TIRAP: variants seen among roughly 807,000 people sequenced by gnomAD.
The protein encoded by TIRAP is toll/interleukin-1 receptor domain-containing adapter protein.
Under a neutral mutation model 19.8 loss-of-function variants are expected in TIRAP, and 20 were observed. The observed-to-expected ratio is 1.01, with a 90% CI of 0.71 to 1.47. The LOEUF (loss-of-function observed/expected upper bound fraction) is 1.47. Among genes scored for constraint, TIRAP ranks in the 40% most tolerant of loss-of-function variants. The pLI, the probability that TIRAP is intolerant of heterozygous loss-of-function variation, is 0.00. For synonymous variants in TIRAP, 125 were observed against 121.7 expected, an observed-to-expected ratio of 1.03 and a Z score of -0.18; for missense variants, 276 against 285.1, an observed-to-expected ratio of 0.97 and a Z score of 0.23.
In TIRAP at chr11:126,287,329, T is replaced by G. The variant is rs536688502; in HGVS notation, c.-216-3133T>G. Among the ~76,000 whole-genome samples the G allele has an allele frequency of 9.9e-5, 15 of 152,238 alleles. No homozygotes were observed. The highest frequency in any genetic ancestry group is 3.4e-4 in the African/African-American group (14 of 41,546). ...TAAATACACTTTGGATTTTTTTTTT[T>G]TTATTTTTGAGACTTGAGTCTTGCT... On this transcript the variant is annotated intron_variant, in intron 1 of 4. Transcript: ENST00000392679. The surrounding 1 kb of genome is among the most constrained non-coding windows in gnomAD (Gnocchi z 4.2).
chr11:126,286,078 A>C (rs1423049434), intron 1 of TIRAP, among the ~76,000 whole-genome samples: 4 of 144,690 alleles, frequency 2.8e-5, no homozygotes, highest in Admixed American at 7.0e-5. Flanking sequence ...AAAAAAAAAA[A>C]GGTCGGGTGT....
chr11:126,286,503 A>G (rs867719540), intron 1 of TIRAP, among the ~76,000 whole-genome samples: 19 of 152,344 alleles, frequency 1.2e-4, no homozygotes, highest in Admixed American at 3.9e-4. Context: ...TATATTCAGG[A>G]CTTTAAGTGA....
In TIRAP at chr11:126,292,848, A is replaced by G. The variant is rs750353344; in HGVS notation, c.439A>G (p.Ile147Val). The G allele has an allele frequency of 1.1e-5, 17 of 1,613,108 alleles. No individual in the cohort carries two copies. The highest frequency in any genetic ancestry group is 1.4e-5 in the Non-Finnish European group (16 of 1,179,932). Residue 147 changes from isoleucine (I) to valine (V), a missense_variant, in exon 4 of 5, where the codon ATC becomes GTC. Physicochemically the swap from Ile to Val is conservative, Grantham distance 29. Transcript: ENST00000392679. ...CAGTAGTCACTGCCGGGTGCTGCTC[A>G]TCACGCCGGGCTTCCTTCAGGACCC... ...LSSSHCRVLL[I>V]TPGFLQDPWC...
intron 1 of TIRAP, among the ~76,000 whole-genome samples, chr11:126,286,626 G>C (rs780849523): frequency 7.2e-5 from 11 of 152,194 alleles, no homozygotes; most frequent in Non-Finnish European, 1.2e-4. Flanking sequence ...GTCAGGTGAA[G>C]TATAGATGGT....
In TIRAP at chr11:126,283,118, C is replaced by T; in HGVS notation, c.-252C>T. The T allele has an allele frequency of 1.0e-6, 1 of 985,222 alleles. No homozygotes were observed. The highest frequency in any genetic ancestry group is 1.7e-5 in the African/African-American group (1 of 57,326). 61.0% of individuals were successfully genotyped at this position (985,222 alleles called of 1,614,324 possible). A position where few individuals can be genotyped will look rare whatever the true frequency, so the allele number is the denominator to read the frequency against. ...CTCTTCCCCGCGGAGCCCGCGCAGT[C>T]CGCGCAGCCCTCATCGCAACTGGGC... On this transcript the variant is annotated 5_prime_UTR_variant, in exon 1 of 5. Coordinates refer to ENST00000392679, the MANE Select transcript of TIRAP (RefSeq NM_001318777.2).
Position 126,292,661 on chromosome 11 carries a change from A to T in TIRAP, c.252A>T (p.Lys84Asn), listed in dbSNP as rs1453105815. 1 of 1,613,984 alleles carries T rather than the reference A, an allele frequency of 6.2e-7. No individual in the cohort carries two copies. Among genetic ancestry groups the T allele is most frequent in the Non-Finnish European group, 8.5e-7 (1 of 1,179,998 alleles). The part of the protein sequence containing the change: ...ASDSGSSRWS[K>N]DYDVCVCHSE... ...ACAGTGGCAGTAGTCGCTGGAGCAA[A>T]GACTATGACGTCTGCGTGTGCCACA... Residue 84 changes from lysine (K) to asparagine (N), a missense_variant, in exon 4 of 5, where the codon AAA becomes AAT. Transcript: ENST00000392679.
intron 1 of TIRAP, chr11:126,289,904 T>C (rs1197844438): frequency 7.4e-6 from 7 of 951,366 alleles, no homozygotes; most frequent in Middle Eastern, 5.5e-4. Flanking sequence ...TCTGACAACC[T>C]CCCCACCAAA....
rs1406028964 is a variant in TIRAP at position 126,291,077 on chromosome 11, G to A, written c.67+116G>A. On this transcript the variant is annotated intron_variant, in intron 3 of 4. Coordinates refer to ENST00000392679, the MANE Select transcript of TIRAP (RefSeq NM_001318777.2). The surrounding 1 kb of genome is among the most constrained non-coding windows in gnomAD (Gnocchi z 5.6). ...CTCAGAGAGACGCAGGAAGGCTGAC[G>A]TGGGGAACTCCTGACCTGAATTCAG... The A allele has an allele frequency of 3.9e-6, 5 of 1,281,854 alleles. No individual in the cohort carries two copies. Among genetic ancestry groups the A allele is most frequent in the African/African-American group, 3.0e-5 (2 of 66,414 alleles). 79.4% of individuals were successfully genotyped at this position (1,281,854 alleles called of 1,614,324 possible).
In TIRAP at chr11:126,285,260, T is replaced by TAA. The variant is rs553242305; in HGVS notation, c.-217+2108_-217+2109dup. ...GTGTGTGTGTATATATATATATATATAATATATATTTTATTTGATTTTTGA... is the reference window on the plus strand; with the variant it reads ...GTGTGTGTGTATATATATATATATATAAAATATATATTTTATTTGATTTTTGA... On this transcript the variant is annotated intron_variant, in intron 1 of 4. Transcript: ENST00000392679. Among the ~76,000 whole-genome samples the TAA allele has an allele frequency of 2.6e-3, 352 of 135,468 alleles. 11 individuals carry two copies. Among genetic ancestry groups the TAA allele is most frequent in the East Asian group, 3.5e-3 (16 of 4,564 alleles). The allele number at this position is 135,468 out of a possible 152,430, so 88.9% of individuals were successfully genotyped here.
chr11:126,293,247 C>G, intron 4 of TIRAP, 192 bp downstream of exon 4: 1 of 1,032,854 alleles, frequency 9.7e-7, no homozygotes, highest in Non-Finnish European at 1.5e-6. Flanking sequence ...CTCACCCGCT[C>G]TGTGCCTTGG....
chr11:126,290,748 G>A lies in TIRAP; in HGVS notation c.-92-55G>A, dbSNP rs1177189999. 10 of 1,434,436 alleles carry A rather than the reference G, an allele frequency of 7.0e-6. No homozygotes were observed. The highest frequency in any genetic ancestry group is 5.9e-5 in the African/African-American group (4 of 67,870). The allele number at this position is 1,434,436 out of a possible 1,614,324, so 88.9% of individuals were successfully genotyped here. A position where few individuals can be genotyped will look rare whatever the true frequency, so the allele number is the denominator to read the frequency against. On this transcript the variant is annotated intron_variant, in intron 2 of 4. Transcript: ENST00000392679. This position sits in a 1 kb window ranked among gnomAD's most constrained non-coding sequence, Gnocchi z 4.9. ...GAACTTCGCAGAGCTCATCCATGGGGAATGAGAGCAGGGTAAGTGCAGCCT... is the reference window on the plus strand; with the variant it reads ...GAACTTCGCAGAGCTCATCCATGGGAAATGAGAGCAGGGTAAGTGCAGCCT...
chr11:126,293,461 A>C (rs1951434060), intron 4 of TIRAP: 3 of 722,982 alleles, frequency 4.1e-6, no homozygotes, highest in Non-Finnish European at 7.5e-6. Context: ...AAGAGCTGGG[A>C]AGGTGCCAGG....
chr11:126,291,046 T>A lies in TIRAP; in HGVS notation c.67+85T>A. The A allele has an allele frequency of 6.8e-7, 1 of 1,471,798 alleles. No homozygotes were observed. Among genetic ancestry groups the A allele is most frequent in the Non-Finnish European group, 9.1e-7 (1 of 1,096,122 alleles). 91.2% of individuals were successfully genotyped at this position (1,471,798 alleles called of 1,614,324 possible). ...AGGGCGCGGTGGGAGGCCTGCCTGG[T>A]CCAAACTCAGAGAGACGCAGGAAGG... On this transcript the variant is annotated intron_variant, in intron 3 of 4. Coordinates refer to ENST00000392679, the MANE Select transcript of TIRAP (RefSeq NM_001318777.2). This position sits in a 1 kb window ranked among gnomAD's most constrained non-coding sequence, Gnocchi z 5.6.
chr11:126,285,260 T>TATATAAAAATAA (rs773653398), intron 1 of TIRAP, among the ~76,000 whole-genome samples: 1 of 135,454 alleles, frequency 7.4e-6, no homozygotes, highest in Non-Finnish European at 1.6e-5. Flanking sequence ...TATATATATA[T>TATATAAAAATAA]AATATATATT....
intron 3 of TIRAP, among the ~76,000 whole-genome samples, 173 bp from the exon 4 acceptor site, chr11:126,292,301 CAAA>C (rs33948579): frequency 1.7e-5 from 2 of 118,130 alleles, no homozygotes. Context: ...GACTCTGCCT[CAAA>C]AAAAAAAAAA....
Position 126,290,797 on chromosome 11 carries a change from CTG to C in TIRAP, c.-92-4_-92-3del. ...CTTTGTGATTCTCTCTCTCTACCCT[CTG>C]TAGGATGGCTGCTCCATGAGGTCAA... On this transcript the variant is annotated splice_region_variant and splice_polypyrimidine_tract_variant and intron_variant, in intron 2 of 4. Coordinates refer to ENST00000392679, the MANE Select transcript of TIRAP (RefSeq NM_001318777.2). This position sits in a 1 kb window ranked among gnomAD's most constrained non-coding sequence, Gnocchi z 4.9. 6.6e-7 allele frequency: 1 copy of C among 1,512,954 alleles called. No homozygotes were observed. Among genetic ancestry groups the C allele is most frequent in the Non-Finnish European group, 8.8e-7 (1 of 1,134,006 alleles). The allele number at this position is 1,512,954 out of a possible 1,614,324, so 93.7% of individuals were successfully genotyped here.
At chr11:126,293,373 A>G (rs1565365799) in intron 4 of TIRAP, 2 of 705,956 alleles carry the variant, frequency 2.8e-6, no homozygotes, top group Non-Finnish European at 5.1e-6. Context: ...AGCACAAATC[A>G]GGTCCTCAAG....
At position 126,288,922 on chromosome 11, in the gene TIRAP, C is replaced by T. The variant is rs948550895; in HGVS notation, c.-216-1540C>T. Among the ~76,000 whole-genome samples the T allele has an allele frequency of 1.3e-5, 2 of 151,840 alleles. No homozygotes were observed. The highest frequency in any genetic ancestry group is 4.8e-5 in the African/African-American group (2 of 41,322). On this transcript the variant is annotated intron_variant, in intron 1 of 4. Transcript: ENST00000392679. This position sits in a 1 kb window ranked among gnomAD's most constrained non-coding sequence, Gnocchi z 5.0. The stretch of plus-strand genomic sequence containing the variant: ...AAAAAATATTTAAAAAATGCAAAAA[C>T]CAAGTGACATCATGTTTACTACTGG...
In TIRAP at chr11:126,293,774, C is replaced by A; in HGVS notation, c.*87C>A. On this transcript the variant is annotated 3_prime_UTR_variant, in exon 5 of 5. Coordinates refer to ENST00000392679, the MANE Select transcript of TIRAP (RefSeq NM_001318777.2). Reference sequence around the variant, plus strand: ...GGGCCTCGGATTCCCACAAATGTGACAAGAGGTATAGGGAGTGAGTCACAG... The same window carrying A: ...GGGCCTCGGATTCCCACAAATGTGAAAAGAGGTATAGGGAGTGAGTCACAG... 2 of 1,473,126 alleles carry A rather than the reference C, an allele frequency of 1.4e-6. No homozygotes were observed. The highest frequency in any genetic ancestry group is 2.3e-5 in the East Asian group (1 of 44,192). 91.3% of individuals were successfully genotyped at this position (1,473,126 alleles called of 1,614,324 possible).
Sources: allele counts gnomAD v4.1 joint callset (sites outside exome capture counted in the v4.1 genomes callset), GRCh38; gene constraint gnomAD v4.1.1; non-coding constraint Gnocchi (gnomAD v3.1); transcripts MANE v1.5; gene names NCBI Gene and HGNC (gene_info 2026-07-23, HGNC 2026-07-21).